Variants in RORC observed in about 807,000 individuals in gnomAD.
RORC encodes nuclear receptor ROR-gamma.
Under a neutral mutation model 64.5 loss-of-function variants are expected in RORC, and 13 were observed. That is an observed-to-expected ratio of 0.20 (90% confidence interval 0.13 to 0.32). The LOEUF is 0.32. Ranked by LOEUF, RORC falls within the 10% of genes least tolerant of loss-of-function variation. RORC has a pLI of 1.00. For synonymous variants in RORC, 277 were observed against 259.3 expected, an observed-to-expected ratio of 1.07 and a Z score of -0.65; for missense variants, 468 against 669.5, an observed-to-expected ratio of 0.70 and a Z score of 3.32.
chr1:151,822,640 G>A (rs1056100146), intron 2 of RORC, among the ~76,000 whole-genome samples: 3 of 152,160 alleles, frequency 2.0e-5, no homozygotes, highest in South Asian at 2.1e-4. Context: ...GAGCCCAGAC[G>A]TCACCATCAG....
chr1:151,817,635 G>A (rs1558166934), intron 2 of RORC, among the ~76,000 whole-genome samples: 1 of 152,108 alleles, frequency 6.6e-6, no homozygotes, highest in Non-Finnish European at 1.5e-5. Flanking sequence ...GACTCCTCAC[G>A]GCCTCACAAC....
At position 151,814,670 on chromosome 1, in the gene RORC, C is replaced by T. The variant is rs1278136949; in HGVS notation, c.837G>A (p.Lys279=). The T allele has an allele frequency of 6.2e-7, 1 of 1,611,930 alleles. No individual in the cohort carries two copies. The highest frequency in any genetic ancestry group is 1.3e-5 in the African/African-American group (1 of 75,028). Residue 279 remains lysine, a synonymous_variant, in exon 6 of 11, where the codon AAG becomes AAA. Transcript: ENST00000318247. The part of the protein sequence containing the change: ...EIEHLVQSVC[K]SYRETCQLRL... ...GCAGCTGGCATGTCTCCCTGTAGGA[C>T]TTGCAGACGCTCTGCACCAGGTGCT...
At chr1:151,811,546 G>C (rs1406881335) in intron 9 of RORC, 112 bp from the exon 10 acceptor site, 3 of 626,738 alleles carry the variant, frequency 4.8e-6, no homozygotes, top group Non-Finnish European at 8.4e-6. Flanking sequence ...CTTCTAAGCT[G>C]AGCGCGTGCA....
Position 151,807,060 on chromosome 1 carries a change from G to A in RORC, c.*412C>T, listed in dbSNP as rs996226733. ...GCCGAAGCCCAAAGGGAAATGCAAT[G>A]AGGTATTTCAAAGGCTTATTCTTAG... On this transcript the variant is annotated 3_prime_UTR_variant, in exon 11 of 11. Transcript: ENST00000318247. This position sits in a 1 kb window ranked among gnomAD's most constrained non-coding sequence, Gnocchi z 5.0. 6.3e-6 allele frequency: 1 copy of A among 159,452 alleles called. No individual in the cohort carries two copies. Among genetic ancestry groups the A allele is most frequent in the Non-Finnish European group, 1.4e-5 (1 of 72,676 alleles). 9.9% of individuals were successfully genotyped at this position (159,452 alleles called of 1,614,324 possible). A position where few individuals can be genotyped will look rare whatever the true frequency, so the allele number is the denominator to read the frequency against.
At chr1:151,823,510 G>A (rs762630630) in intron 2 of RORC, among the ~76,000 whole-genome samples, 2 of 152,152 alleles carry the variant, frequency 1.3e-5, no homozygotes, top group Non-Finnish European at 2.9e-5. Context: ...CCCTCTTACC[G>A]CTTGCCTAGA....
Position 151,813,007 on chromosome 1 carries a change from C to T in RORC, c.1225G>A (p.Ala409Thr), listed in dbSNP as rs900022540. 6.2e-7 allele frequency: 1 copy of T among 1,614,138 alleles called. No homozygotes were observed. Among genetic ancestry groups the T allele is most frequent in the African/African-American group, 1.3e-5 (1 of 75,032 alleles). Residue 409 changes from alanine (A) to threonine (T), a missense_variant, in exon 9 of 11, where the codon GCC (alanine) becomes ACC (threonine). Physicochemically the swap from Ala to Thr is moderately conservative, Grantham distance 58 (BLOSUM62 0). This residue lies in a region of RORC where 100 missense variants were observed against 190.8 expected (regional missense o/e 0.52). Coordinates refer to ENST00000318247, the MANE Select transcript of RORC (RefSeq NM_005060.4). The part of the protein sequence containing the change: ...SIFDFSHSLS[A>T]LHFSEDEIAL... ...ATCTCATCCTCGGAAAAGTGCAAGG[C>T]ACTTAGGGAGTGGGAGAAGTCAAAG...
rs190794217 is a variant in RORC, at chr1:151,807,825, G to T, written c.1396-192C>A. Among the ~76,000 whole-genome samples the T allele has an allele frequency of 1.3e-5, 2 of 152,296 alleles. No individual in the cohort carries two copies. Among genetic ancestry groups the T allele is most frequent in the East Asian group, 3.9e-4 (2 of 5,188 alleles). ...AGGACACTGGAGGGAAGTGAGAGTG[G>T]GTGGGGCACAGGTGAATGTTTTCTG... is the stretch of plus-strand genomic sequence containing the variant. On this transcript the variant is annotated intron_variant, in intron 10 of 10. Transcript: ENST00000318247. The surrounding 1 kb of genome is among the most constrained non-coding windows in gnomAD (Gnocchi z 5.0).
In RORC at chr1:151,807,741, T is replaced by G; in HGVS notation, c.1396-108A>C. On this transcript the variant is annotated intron_variant, in intron 10 of 10. Transcript: ENST00000318247. The surrounding 1 kb of genome is among the most constrained non-coding windows in gnomAD (Gnocchi z 5.0). ...AGGACAAACCCTCCTTGCCTTCCCC[T>G]TATGTACTTGGCACTTTGGCACCAG... 8.1e-7 allele frequency: 1 copy of G among 1,234,932 alleles called. No individual in the cohort carries two copies. The highest frequency in any genetic ancestry group is 1.1e-6 in the Non-Finnish European group (1 of 885,286). 76.5% of individuals were successfully genotyped at this position (1,234,932 alleles called of 1,614,324 possible). A position where few individuals can be genotyped will look rare whatever the true frequency, so the allele number is the denominator to read the frequency against.
intron 3 of RORC, among the ~76,000 whole-genome samples, 182 bp downstream of exon 3, chr1:151,817,013 C>A (rs1651782775): frequency 6.6e-6 from 1 of 152,188 alleles, no homozygotes; most frequent in Non-Finnish European, 1.5e-5. Flanking sequence ...GAGGGCCCTG[C>A]AGGAAGGCGC....
chr1:151,826,634 A>T (rs573207188), intron 2 of RORC, among the ~76,000 whole-genome samples: 95 of 152,360 alleles, frequency 6.2e-4, no homozygotes, highest in African/African-American at 2.3e-3. Context: ...AGCAGTAATA[A>T]TCACCAGGCA....
chr1:151,818,674 G>T (rs1430186273), intron 2 of RORC, among the ~76,000 whole-genome samples: 1 of 152,212 alleles, frequency 6.6e-6, no homozygotes. Flanking sequence ...GGAGCCCTGG[G>T]GCGGGACAGG....
Position 151,826,494 on chromosome 1 carries a change from C to T in RORC, c.70+2935G>A, listed in dbSNP as rs577402733. ...GGGTGGTGGCATGTGCCACCTGACA[C>T]CCTGTGGACTGCCAACAGCCATACC... On this transcript the variant is annotated intron_variant, in intron 2 of 10. Coordinates refer to ENST00000318247, the MANE Select transcript of RORC (RefSeq NM_005060.4). Among the ~76,000 whole-genome samples, 4 of 152,304 alleles carry T rather than the reference C, an allele frequency of 2.6e-5. No individual in the cohort carries two copies. In the East Asian group the frequency reaches 7.7e-4, roughly 29 times the overall value.
Position 151,830,994 on chromosome 1 carries a change from C to G in RORC, c.40+731G>C. Reference sequence around the variant, plus strand: ...TGGTGGCTCTGGCCCTCAAACTTTCCTCCTCCATGCTCACAGCTGACCAAG... The same window carrying G: ...TGGTGGCTCTGGCCCTCAAACTTTCGTCCTCCATGCTCACAGCTGACCAAG... On this transcript the variant is annotated intron_variant, in intron 1 of 10. Coordinates refer to ENST00000318247, the MANE Select transcript of RORC (RefSeq NM_005060.4). The surrounding 1 kb of genome is among the most constrained non-coding windows in gnomAD (Gnocchi z 4.0). The G allele has an allele frequency of 7.8e-7, 1 of 1,289,328 alleles. No homozygotes were observed. Among genetic ancestry groups the G allele is most frequent in the Middle Eastern group, 2.1e-4 (1 of 4,692 alleles). 79.9% of individuals were successfully genotyped at this position (1,289,328 alleles called of 1,614,324 possible).
rs939998694 is a variant in RORC, at chr1:151,818,881, C to T, written c.71-1601G>A. 2.0e-5 allele frequency among the ~76,000 whole-genome samples: 3 copies of T among 152,324 alleles called. No homozygotes were observed. The East Asian group carries it at 5.8e-4, about 29-fold the overall frequency. ...GGCAGGGAGACCATGGCTTGCCCGC[C>T]ATTCCCCAAAATATTATTTCCATCA... On this transcript the variant is annotated intron_variant, in intron 2 of 10. Coordinates refer to ENST00000318247, the MANE Select transcript of RORC (RefSeq NM_005060.4).
chr1:151,813,231 C>A lies in RORC; in HGVS notation c.1174+8G>T. ...GAATCTTCCCTCTCATTTCTCCCTG[C>A]CCCTCACCCAAGGCTCGGAACAGCT... On this transcript the variant is annotated splice_region_variant and intron_variant, in intron 8 of 10. Coordinates refer to ENST00000318247, the MANE Select transcript of RORC (RefSeq NM_005060.4). The A allele has an allele frequency of 6.2e-7, 1 of 1,610,308 alleles. No individual in the cohort carries two copies. The highest frequency in any genetic ancestry group is 1.1e-5 in the South Asian group (1 of 90,970).
At chr1:151,810,309 T>A (rs1651470781) in intron 10 of RORC, among the ~76,000 whole-genome samples, 1 of 152,154 alleles carries the variant, frequency 6.6e-6, no homozygotes, top group Admixed American at 6.5e-5. Context: ...AAATCTTACA[T>A]CATTCATGGC....
chr1:151,813,107 C>G (rs1651602976), intron 8 of RORC, 50 bp from the exon 9 acceptor site: 1 of 1,460,594 alleles, frequency 6.8e-7, no homozygotes, highest in Non-Finnish European at 9.6e-7. Context: ...AGCGATGGTG[C>G]CCGAGGACAC....
chr1:151,812,793 C>G, intron 9 of RORC, 154 bp downstream of exon 9: 2 of 567,690 alleles, frequency 3.5e-6, no homozygotes, highest in South Asian at 4.4e-5. Context: ...TTTATTTTAA[C>G]TCATTTTATT....
rs567527841 is a variant in RORC, at chr1:151,822,462, G to A, written c.71-5182C>T. ...GTGAAGCTAAAACTCAGGTGGGCGA[G>A]GGAGAGTCTGGGGTTTTGAAAAGCC... On this transcript the variant is annotated intron_variant, in intron 2 of 10. Coordinates refer to ENST00000318247, the MANE Select transcript of RORC (RefSeq NM_005060.4). Among the ~76,000 whole-genome samples the A allele has an allele frequency of 5.9e-5, 9 of 152,336 alleles. No individual in the cohort carries two copies. In the South Asian group the frequency reaches 1.9e-3, roughly 32 times the overall value.
Sources: gnomAD v4.1 joint callset for allele counts (sites outside exome capture counted in the v4.1 genomes callset) on GRCh38, gnomAD v4.1.1 for gene constraint, gnomAD v4.1.1 regional missense constraint, Gnocchi (gnomAD v3.1) non-coding constraint, MANE v1.5 for transcripts, NCBI Gene and HGNC (gene_info 2026-07-23, HGNC 2026-07-21) for gene names.